CYP4B1: variants seen among roughly 807,000 people sequenced by gnomAD.
CYP4B1 encodes the protein cytochrome P450 family 4 subfamily B member 1.
In CYP4B1, 45 loss-of-function variants were observed where a neutral mutation model predicts 54.0. The ratio of observed to expected loss-of-function variants is 0.83; its 90% CI spans 0.66 to 1.07. CYP4B1 has a LOEUF of 1.07. Ranked by LOEUF, CYP4B1 falls within the 50% of genes least tolerant of loss-of-function variation. The pLI is 0.00. For missense variants in CYP4B1, 656 were observed against 655.4 expected (o/e 1.00, Z -0.01); for synonymous variants, 248 against 247.5 (o/e 1.00, Z -0.02).
chr1:46,813,709 G>A, intron 5 of CYP4B1, 103 bp downstream of exon 5: 1 of 1,525,030 alleles, frequency 6.6e-7, no homozygotes, highest in Non-Finnish European at 8.9e-7. Flanking sequence ...ATAGGGTCCT[G>A]CCCCAGGGAG....
chr1:46,811,292 C>A, intron 3 of CYP4B1, 108 bp downstream of exon 3: 1 of 1,162,952 alleles, frequency 8.6e-7, no homozygotes, highest in Non-Finnish European at 1.3e-6. Flanking sequence ...TGGCCTAGTT[C>A]TCGGGTGCCC....
intron 4 of CYP4B1, among the ~76,000 whole-genome samples, chr1:46,813,088 G>C (rs979878280): frequency 6.6e-6 from 1 of 152,170 alleles, no homozygotes; most frequent in Non-Finnish European, 1.5e-5. Context: ...GAGTCTTAGG[G>C]CTGGGTAATC....
chr1:46,811,895 G>A (rs11211367), intron 3 of CYP4B1, among the ~76,000 whole-genome samples: 3 of 152,176 alleles, frequency 2.0e-5, no homozygotes, highest in African/African-American at 7.2e-5. Flanking sequence ...TACTCACCGA[G>A]TACCACTGGG....
Position 46,799,088 on chromosome 1 carries a change from C to G in CYP4B1, c.7C>G (p.Pro3Ala). 1 of 1,613,916 alleles carries G rather than the reference C, an allele frequency of 6.2e-7. No individual in the cohort carries two copies. ...GGTGGCTGGAACTGCAACCATGGTGCCCAGCTTCCTCTCCCTGAGCTTCTC... is the reference window on the plus strand; with the variant it reads ...GGTGGCTGGAACTGCAACCATGGTGGCCAGCTTCCTCTCCCTGAGCTTCTC... MV[P>A]SFLSLSFSSL... The change falls in exon 1 of 12, where the codon CCC becomes GCC. Residue 3 changes from proline to alanine, a missense_variant. Pro to Ala is a conservative substitution (Grantham distance 27, BLOSUM62 -1). Transcript: ENST00000371923.
chr1:46,810,723 C>T, intron 1 of CYP4B1, 85 bp from the exon 2 acceptor site: 1 of 1,490,714 alleles, frequency 6.7e-7, no homozygotes, highest in Non-Finnish European at 9.3e-7. Context: ...CCTGGGCAGC[C>T]TTCTCCCCTG....
In CYP4B1 at chr1:46,807,268, T is replaced by C. The variant is rs373747157; in HGVS notation, c.181-3540T>C. ...GCATGAGACCAGGGTCTACTGTCCC[T>C]TGTGGGGTTGCTGCAGAGGTGCACA... On this transcript the variant is annotated intron_variant, in intron 1 of 11. Coordinates refer to ENST00000371923, the MANE Select transcript of CYP4B1 (RefSeq NM_001099772.2). Among the ~76,000 whole-genome samples the C allele has an allele frequency of 3.5e-4, 54 of 152,260 alleles. No homozygotes were observed. The East Asian group carries it at 9.9e-3, about 28-fold the overall frequency.
At position 46,811,185 on chromosome 1, in the gene CYP4B1, G is replaced by T. The variant is rs967557811; in HGVS notation, c.367+1G>T. 38 of 1,613,968 alleles carry T rather than the reference G, an allele frequency of 2.4e-5. No individual in the cohort carries two copies. The highest frequency in any genetic ancestry group is 3.1e-5 in the Non-Finnish European group (37 of 1,180,006). On this transcript the variant is annotated splice_donor_variant, in intron 3 of 11. Coordinates refer to ENST00000371923, the MANE Select transcript of CYP4B1 (RefSeq NM_001099772.2). LOFTEE classifies it high-confidence loss of function. ...TATGACTTCTTCCTCCAGTGGATTG[G>T]TGAGTGAGCACCTGCCTTCCCTGCC...
Position 46,818,896 on chromosome 1 carries a change from T to TG in CYP4B1, c.*86dup, listed in dbSNP as rs1679449853. On this transcript the variant is annotated 3_prime_UTR_variant, in exon 12 of 12. Transcript: ENST00000371923. ...CTCCCCAGGCTGGGTGTGGAGGAGT[T>TG]GGGGCCCCCTGCCTTCAGGAGGCTT... 15 of 1,402,186 alleles carry TG rather than the reference T, an allele frequency of 1.1e-5. No individual in the cohort carries two copies. In the Admixed American group the frequency reaches 2.9e-4, roughly 27 times the overall value. 86.9% of individuals were successfully genotyped at this position (1,402,186 alleles called of 1,614,324 possible).
Position 46,807,208 on chromosome 1 carries a change from G to T in CYP4B1, c.181-3600G>T, listed in dbSNP as rs7546021. ...AGGGAGGCAGTGGCAAGCTGGCTGC[G>T]ACCTCGATCAGGGCACAGGTTGTGA... On this transcript the variant is annotated intron_variant, in intron 1 of 11. Transcript: ENST00000371923. 1.7e-3 allele frequency among the ~76,000 whole-genome samples: 261 copies of T among 152,250 alleles called. 2 individuals carry two copies. Among genetic ancestry groups the T allele is most frequent in the African/African-American group, 5.7e-3 (236 of 41,538 alleles).
At chr1:46,800,221 C>CTT (rs369051884) in intron 1 of CYP4B1, among the ~76,000 whole-genome samples, 9,639 of 23,260 alleles carry the variant, frequency 0.41, 2,104 homozygotes, top group South Asian at 0.58. Context: ...CTTTCTCTTT[C>CTT]TCTCTTTCTT....
chr1:46,814,168 G>C lies in CYP4B1; in HGVS notation c.776-41G>C, dbSNP rs777201380. ...GACCCCAGTTCCCCTTTGGACAAAA[G>C]ATGGCTTCCCAGGCAGTGACACTCT... On this transcript the variant is annotated intron_variant, in intron 6 of 11. Transcript: ENST00000371923. The C allele has an allele frequency of 2.5e-6, 4 of 1,612,506 alleles. No individual in the cohort carries two copies. The Admixed American group carries it at 6.7e-5, about 27-fold the overall frequency.
rs186536121 is a variant in CYP4B1, at chr1:46,802,905, A to G, written c.180+3644A>G. ...AAACCTGTGGCAGGAAGTGCAGAAG[A>G]AAAGGCAGAAGGTGCTCTCTGTGCA... On this transcript the variant is annotated intron_variant, in intron 1 of 11. Transcript: ENST00000371923. 2.6e-5 allele frequency among the ~76,000 whole-genome samples: 4 copies of G among 152,350 alleles called. No homozygotes were observed. In the South Asian group the frequency reaches 6.2e-4, roughly 24 times the overall value.
intron 1 of CYP4B1, among the ~76,000 whole-genome samples, chr1:46,805,699 G>A (rs1488840795): frequency 6.6e-6 from 1 of 152,168 alleles, no homozygotes; most frequent in African/African-American, 2.4e-5. Flanking sequence ...TGTACATTGA[G>A]TCTGCTTTTC....
chr1:46,818,510 A>G, intron 11 of CYP4B1, 121 bp from the exon 12 acceptor site: 1 of 1,068,172 alleles, frequency 9.4e-7, no homozygotes, highest in Non-Finnish European at 1.4e-6. Flanking sequence ...CAGGTCAACC[A>G]ATCTATCAGC....
intron 1 of CYP4B1, among the ~76,000 whole-genome samples, chr1:46,804,786 G>C (rs972195470): frequency 6.6e-6 from 1 of 152,142 alleles, no homozygotes; most frequent in Non-Finnish European, 1.5e-5. Context: ...TGAAATAAAA[G>C]TTTTTGAGAA....
intron 1 of CYP4B1, among the ~76,000 whole-genome samples, chr1:46,806,443 G>A (rs1222030239): frequency 6.6e-6 from 1 of 152,196 alleles, no homozygotes; most frequent in African/African-American, 2.4e-5. Flanking sequence ...CTGGCTGATG[G>A]CTTGAGCAGG....
intron 8 of CYP4B1, among the ~76,000 whole-genome samples, chr1:46,816,103 C>T (rs1215229077): frequency 6.6e-6 from 1 of 152,104 alleles, no homozygotes. Flanking sequence ...TGTGAGAATC[C>T]CCCCCCCACG....
chr1:46,809,473 C>A (rs1458735171), intron 1 of CYP4B1, among the ~76,000 whole-genome samples: 1 of 152,170 alleles, frequency 6.6e-6, no homozygotes, highest in Non-Finnish European at 1.5e-5. Flanking sequence ...AAAAGCAGGC[C>A]CAGCACAGGC....
intron 3 of CYP4B1, among the ~76,000 whole-genome samples, chr1:46,811,882 A>G (rs1679114114): frequency 1.3e-5 from 2 of 152,102 alleles, no homozygotes; most frequent in Admixed American, 6.5e-5. Flanking sequence ...TCCCAATCCT[A>G]TTTACTCACC....
Sources: allele counts gnomAD v4.1 joint callset (sites outside exome capture counted in the v4.1 genomes callset), GRCh38; gene constraint gnomAD v4.1.1; transcripts MANE v1.5; gene names NCBI Gene and HGNC (gene_info 2026-07-23, HGNC 2026-07-21).